TTC6: variants seen among roughly 807,000 people sequenced by gnomAD.
The protein encoded by TTC6 is tetratricopeptide repeat domain 6, also known as tetratricopeptide repeat protein 6.
A neutral mutation model predicts 210.4 loss-of-function variants in TTC6; 172 were observed. The ratio of observed to expected loss-of-function variants is 0.82; its 90% confidence interval spans 0.72 to 0.93. The LOEUF is 0.93. Among genes scored for constraint, TTC6 ranks in the 40% least tolerant of loss-of-function variants. The pLI, the probability that TTC6 is intolerant of heterozygous loss-of-function variation, is 0.00. For synonymous variants in TTC6, 804 were observed against 819.6 expected (o/e 0.98, Z 0.32); for missense variants, 2,414 against 2,318.1 (o/e 1.04, Z -0.85).
intron 29 of TTC6, chr14:37,837,573 G>A (rs2096200706): frequency 6.9e-6 from 2 of 290,380 alleles, no homozygotes. Context: ...ATAGACACTG[G>A]GAAAAACATG....
exon 29 of TTC6, chr14:37,827,307 T>A: frequency 6.2e-7 from 1 of 1,613,302 alleles, no homozygotes. Context: ...AAACCCCAAG[T>A]ACTCGCTGGC....
At chr14:37,738,909 C>T in exon 10 of TTC6, 1 of 1,535,376 alleles carries the variant, frequency 6.5e-7, no homozygotes, top group Non-Finnish European at 8.7e-7. Context: ...CTCCAGCTCA[C>T]TAAGCAAAAT....
chr14:37,774,416 T>C (rs2096030760), intron 14 of TTC6, among the ~76,000 whole-genome samples: 1 of 152,208 alleles, frequency 6.6e-6, no homozygotes, highest in Non-Finnish European at 1.5e-5. Context: ...TGGCTCTTGT[T>C]ATTTTTAAGC....
intron 26 of TTC6, among the ~76,000 whole-genome samples, chr14:37,820,258 C>T (rs1249331656): frequency 6.6e-6 from 1 of 152,182 alleles, no homozygotes; most frequent in Admixed American, 6.5e-5. Flanking sequence ...CCTCCCTGGA[C>T]TTGATTTTAG....
intron 29 of TTC6, among the ~76,000 whole-genome samples, chr14:37,836,317 A>T (rs2096197832): frequency 3.9e-5 from 6 of 152,190 alleles, no homozygotes; most frequent in Admixed American, 2.6e-4. Context: ...AACCAAACTC[A>T]GATCACTCTC....
intron 1 of TTC6, among the ~76,000 whole-genome samples, chr14:37,599,111 C>G (rs1462288362): frequency 2.6e-5 from 4 of 152,152 alleles, no homozygotes; most frequent in Admixed American, 2.6e-4. Context: ...GTGCGTGTGC[C>G]TGGCCTTCGC....
At chr14:37,683,695 G>T (rs1053694383) in intron 3 of TTC6, among the ~76,000 whole-genome samples, 1 of 152,068 alleles carries the variant, frequency 6.6e-6, no homozygotes, top group Non-Finnish European at 1.5e-5. Flanking sequence ...CAATATGTAT[G>T]TATGGGAAAG....
At chr14:37,649,082 T>C (rs762982104) in intron 1 of TTC6, among the ~76,000 whole-genome samples, 6 of 152,202 alleles carry the variant, frequency 3.9e-5, no homozygotes, top group Non-Finnish European at 7.3e-5. Flanking sequence ...TACTTCTATC[T>C]GATGGTCCAC....
chr14:37,786,898 T>C (rs549974290), intron 14 of TTC6, among the ~76,000 whole-genome samples: 7 of 152,354 alleles, frequency 4.6e-5, no homozygotes, highest in African/African-American at 1.7e-4. Context: ...ATGAGTTTTT[T>C]GGCATTGATC....
At chr14:37,765,099 G>C (rs2095994810) in intron 14 of TTC6, among the ~76,000 whole-genome samples, 1 of 151,794 alleles carries the variant, frequency 6.6e-6, no homozygotes, top group Admixed American at 6.6e-5. Flanking sequence ...TAAAAATTTT[G>C]TGCCTGTATA....
chr14:37,769,653 C>G (rs1213020771), intron 14 of TTC6, among the ~76,000 whole-genome samples: 1 of 151,840 alleles, frequency 6.6e-6, no homozygotes, highest in Non-Finnish European at 1.5e-5. Context: ...GTGATATCCC[C>G]TTTATCATTT....
intron 14 of TTC6, among the ~76,000 whole-genome samples, chr14:37,773,829 T>A (rs2096028528): frequency 6.6e-6 from 1 of 152,234 alleles, no homozygotes; most frequent in African/African-American, 2.4e-5. Context: ...TATTATTGAA[T>A]GTGTAAATTG....
chr14:37,818,611 G>C (rs2096147971), intron 26 of TTC6, among the ~76,000 whole-genome samples: 1 of 151,926 alleles, frequency 6.6e-6, no homozygotes, highest in Non-Finnish European at 1.5e-5. Context: ...TTCTCTTTGA[G>C]GACATATATA....
intron 5 of TTC6, among the ~76,000 whole-genome samples, chr14:37,709,229 T>C (rs948089091): frequency 6.6e-6 from 1 of 152,044 alleles, no homozygotes; most frequent in African/African-American, 2.4e-5. Context: ...TGGTGATACA[T>C]GTCACAGAAG....
chr14:37,748,853 A>G, intron 10 of TTC6, 86 bp from the exon 13 acceptor site: 1 of 1,032,238 alleles, frequency 9.7e-7, no homozygotes, highest in Non-Finnish European at 1.3e-6. Flanking sequence ...AACAAATAGT[A>G]GTTTTATGTG....
rs2095607894 is a variant in TTC6 at position 37,598,052 on chromosome 14, C to T, written c.-235+2044C>T. On this transcript the variant is annotated intron_variant, in intron 1 of 2. Coordinates refer to the TTC6 transcript ENST00000556845. The surrounding 1 kb of genome is among the most constrained non-coding windows in gnomAD (Gnocchi z 4.9). ...TGACTTGGAAATGCATACATACATA[C>T]ATAAAGTAATGCTGCTGTCTGGGAG... Among the ~76,000 whole-genome samples the T allele has an allele frequency of 6.6e-6, 1 of 152,188 alleles. No homozygotes were observed. Among genetic ancestry groups the T allele is most frequent in the South Asian group, 2.1e-4 (1 of 4,836 alleles).
At chr14:37,717,466 C>G (rs2095854553) in intron 6 of TTC6, among the ~76,000 whole-genome samples, 1 of 152,046 alleles carries the variant, frequency 6.6e-6, no homozygotes, top group African/African-American at 2.4e-5. Flanking sequence ...TGAAGAAATT[C>G]TCGAAAAACA....
intron 1 of TTC6, among the ~76,000 whole-genome samples, chr14:37,603,182 G>C (rs1340674172): frequency 6.6e-6 from 1 of 152,186 alleles, no homozygotes; most frequent in Non-Finnish European, 1.5e-5. Flanking sequence ...GGGCAGCATG[G>C]TTCTGACGCT....
At chr14:37,704,165 T>A (rs572974705) in intron 5 of TTC6, among the ~76,000 whole-genome samples, 4 of 152,252 alleles carry the variant, frequency 2.6e-5, no homozygotes, top group African/African-American at 9.6e-5. Flanking sequence ...TAGCTTACTG[T>A]AACCTTGAAC....
Sources: allele counts gnomAD v4.1 joint callset (sites outside exome capture counted in the v4.1 genomes callset), GRCh38; gene constraint gnomAD v4.1.1; non-coding constraint Gnocchi (gnomAD v3.1); transcripts MANE v1.5; gene names NCBI Gene and HGNC (gene_info 2026-07-23, HGNC 2026-07-21).